ATRNL1: variants seen among roughly 807,000 people sequenced by gnomAD.
ATRNL1 encodes the protein attractin like 1.
Under a neutral mutation model 182.7 loss-of-function variants are expected in ATRNL1, and 95 were observed. That is an observed-to-expected ratio of 0.52 (90% CI 0.44 to 0.62). The LOEUF is 0.62. Among genes scored for constraint, ATRNL1 ranks in the 20% least tolerant of loss-of-function variants. ATRNL1 has a pLI of 0.00. For synonymous variants in ATRNL1, 576 were observed against 568.3 expected, an observed-to-expected ratio of 1.01 and a Z score of -0.19; for missense variants, 1,471 against 1,679.5, an observed-to-expected ratio of 0.88 and a Z score of 2.17.
At chr10:115,650,229 C>T (rs1490127858) in intron 26 of ATRNL1, among the ~76,000 whole-genome samples, 3 of 152,042 alleles carry the variant, frequency 2.0e-5, no homozygotes, top group Admixed American at 6.6e-5. Flanking sequence ...TAAATCAGTT[C>T]AATGACCTTC....
intron 8 of ATRNL1, among the ~76,000 whole-genome samples, chr10:115,210,596 G>A (rs1165515736): frequency 6.6e-6 from 1 of 151,816 alleles, no homozygotes; most frequent in Non-Finnish European, 1.5e-5. Flanking sequence ...ATATATTAGT[G>A]ACTAAGTCTG....
rs183696959 is a variant in ATRNL1 at position 115,823,334 on chromosome 10, A to T, written c.3904-24543A>T. ...ACAGCCAATAACATACTGAATGGGC[A>T]AAAGCTGGAAGCATTCCCTTTGAAA... On this transcript the variant is annotated intron_variant, in intron 27 of 28. Transcript: ENST00000355044. Among the ~76,000 whole-genome samples the T allele has an allele frequency of 1.1e-4, 17 of 152,332 alleles. No homozygotes were observed. The East Asian group carries it at 3.3e-3, about 29-fold the overall frequency.
At chr10:115,671,374 T>C (rs1251123398) in intron 26 of ATRNL1, among the ~76,000 whole-genome samples, 3 of 152,002 alleles carry the variant, frequency 2.0e-5, no homozygotes, top group Non-Finnish European at 4.4e-5. Context: ...ATGGATAGAG[T>C]AGATGCTTCT....
chr10:115,454,904 AT>A (rs1847449483), intron 21 of ATRNL1, among the ~76,000 whole-genome samples: 1 of 152,022 alleles, frequency 6.6e-6, no homozygotes, highest in African/African-American at 2.4e-5. Flanking sequence ...TTCTTGCCTA[AT>A]TGCTCTGGAC....
intron 24 of ATRNL1, among the ~76,000 whole-genome samples, chr10:115,487,763 T>C (rs1554975519): frequency 6.6e-6 from 1 of 152,192 alleles, no homozygotes; most frequent in East Asian, 1.9e-4. Flanking sequence ...CTTCCAATAC[T>C]ATGTTGAATA....
chr10:115,811,609 G>A (rs1330539462), intron 27 of ATRNL1, among the ~76,000 whole-genome samples: 3 of 151,906 alleles, frequency 2.0e-5, no homozygotes, highest in Non-Finnish European at 1.5e-5. Flanking sequence ...TATTCTATCA[G>A]TTTTTGCTTC....
chr10:115,445,650 G>A (rs1328940653), intron 21 of ATRNL1, among the ~76,000 whole-genome samples: 1 of 151,654 alleles, frequency 6.6e-6, no homozygotes, highest in African/African-American at 2.4e-5. Flanking sequence ...CCATTTTAAA[G>A]TGTACAATTC....
intron 26 of ATRNL1, among the ~76,000 whole-genome samples, chr10:115,724,013 T>C (rs1947517898): frequency 6.6e-6 from 1 of 151,756 alleles, no homozygotes; most frequent in Admixed American, 6.6e-5. Context: ...TATTGTATTA[T>C]GATCAATTTG....
chr10:115,815,866 C>A (rs530858195), intron 27 of ATRNL1, among the ~76,000 whole-genome samples: 3 of 152,126 alleles, frequency 2.0e-5, no homozygotes, highest in South Asian at 4.2e-4. Flanking sequence ...CCTTATAATT[C>A]TTTTTAAAAA....
At chr10:115,940,680 TCTCTCTCTCTCTCTCTCTTCTCTCTCTC>T (rs1953702637) in intron 28 of ATRNL1, among the ~76,000 whole-genome samples, 1 of 141,584 alleles carries the variant, frequency 7.1e-6, no homozygotes, top group African/African-American at 2.6e-5. Context: ...TTACTCTCTC[TCTCTCTCTCTCTCTCTCTTCTCTCTCTC>T]TCTCTTTTAG....
chr10:115,812,397 C>T (rs554790818), intron 27 of ATRNL1, among the ~76,000 whole-genome samples: 1 of 152,268 alleles, frequency 6.6e-6, no homozygotes, highest in South Asian at 2.1e-4. Flanking sequence ...TTCTTCTACT[C>T]TACATGTAGC....
intron 13 of ATRNL1, among the ~76,000 whole-genome samples, chr10:115,279,150 C>T (rs1036821287): frequency 6.0e-5 from 9 of 149,878 alleles, no homozygotes; most frequent in African/African-American, 2.0e-4. Context: ...TGCAGTGAGC[C>T]GAGATCGCAC....
chr10:115,914,203 C>T (rs782680651), intron 28 of ATRNL1, among the ~76,000 whole-genome samples: 1 of 152,168 alleles, frequency 6.6e-6, no homozygotes, highest in African/African-American at 2.4e-5. Context: ...CTTGAAGCCT[C>T]CCCAGCCATG....
chr10:115,927,144 A>T (rs1365406804), intron 28 of ATRNL1, among the ~76,000 whole-genome samples: 1 of 152,130 alleles, frequency 6.6e-6, no homozygotes, highest in Non-Finnish European at 1.5e-5. Context: ...CCATCACATA[A>T]ACAGAACTAA....
At chr10:115,413,694 C>G (rs782149477) in intron 20 of ATRNL1, among the ~76,000 whole-genome samples, 5 of 152,102 alleles carry the variant, frequency 3.3e-5, no homozygotes, top group Non-Finnish European at 7.4e-5. Context: ...TGAATACTTC[C>G]TTACTTTCTG....
At chr10:115,368,209 G>A (rs1324192152) in intron 19 of ATRNL1, among the ~76,000 whole-genome samples, 2 of 152,232 alleles carry the variant, frequency 1.3e-5, no homozygotes, top group African/African-American at 2.4e-5. Flanking sequence ...TGAGCCAGGT[G>A]CGGGATATAA....
chr10:115,720,598 G>T (rs532912695), intron 26 of ATRNL1, among the ~76,000 whole-genome samples: 1 of 152,072 alleles, frequency 6.6e-6, no homozygotes, highest in Non-Finnish European at 1.5e-5. Flanking sequence ...TTACATTGAA[G>T]TTATGATCTA....
chr10:115,317,708 G>A (rs1592437773), intron 18 of ATRNL1, among the ~76,000 whole-genome samples: 1 of 152,206 alleles, frequency 6.6e-6, no homozygotes, highest in South Asian at 2.1e-4. Context: ...TGTATTGTTG[G>A]TGTAAAGGAA....
chr10:115,171,255 A>G lies in ATRNL1; in HGVS notation c.1311A>G (p.Ile437Met), dbSNP rs1554885521. The G allele has an allele frequency of 1.2e-6, 2 of 1,608,228 alleles. No individual in the cohort carries two copies. Among genetic ancestry groups the G allele is most frequent in the South Asian group, 1.1e-5 (1 of 90,490 alleles). Reference protein sequence around the residue: ...VMIIIFGYSAIYGYTSSIQEY... With the variant: ...VMIIIFGYSAMYGYTSSIQEY... Reference sequence around the variant, plus strand: ...TCATAATATTTGGATATTCTGCAATATATGGTTATACAAGCAGCATACAGG... The same window carrying G: ...TCATAATATTTGGATATTCTGCAATGTATGGTTATACAAGCAGCATACAGG... Residue 437 changes from isoleucine to methionine, a missense_variant, in exon 8 of 29, where the codon ATA becomes ATG. By Grantham distance (10) the Ile-to-Met change is conservative. Transcript: ENST00000355044.
Sources: gnomAD v4.1 joint callset for allele counts (sites outside exome capture counted in the v4.1 genomes callset) on GRCh38, gnomAD v4.1.1 for gene constraint, MANE v1.5 for transcripts, NCBI Gene and HGNC (gene_info 2026-07-23, HGNC 2026-07-21) for gene names.